KDM4C: variants seen among roughly 807,000 people sequenced by gnomAD.
KDM4C encodes the protein lysine-specific demethylase 4C.
Under a neutral mutation model 129.3 loss-of-function variants are expected in KDM4C, and 81 were observed. The observed-to-expected ratio is 0.63, with a 90% CI of 0.52 to 0.75. KDM4C has a LOEUF of 0.75. KDM4C is among the 30% of genes least tolerant of loss of function. The probability of loss-of-function intolerance (pLI) is 0.00; values close to 1 mark genes in which losing one functional copy is unlikely to be tolerated. For missense variants in KDM4C, 1,457 were observed against 1,304.0 expected (o/e 1.12, Z -1.81); for synonymous variants, 573 against 456.1 (o/e 1.26, Z -3.26).
intron 1 of KDM4C, among the ~76,000 whole-genome samples, chr9:6,722,148 C>G (rs1418813253): frequency 6.6e-5 from 10 of 152,164 alleles, no homozygotes; most frequent in South Asian, 4.1e-4. Context: ...GGCATCCAAC[C>G]TGAGCCTGGT....
intron 17 of KDM4C, among the ~76,000 whole-genome samples, chr9:7,054,200 C>A (rs192864050): frequency 6.6e-6 from 1 of 152,194 alleles, no homozygotes; most frequent in Non-Finnish European, 1.5e-5. Flanking sequence ...TCCTTCTCCC[C>A]GTAGCCCATC....
intron 1 of KDM4C, among the ~76,000 whole-genome samples, chr9:6,750,915 C>G (rs1818044959): frequency 6.6e-6 from 1 of 152,232 alleles, no homozygotes; most frequent in African/African-American, 2.4e-5. Context: ...GCTGGAAGGT[C>G]AAGATGGCCT....
chr9:6,993,048 C>G (rs747148768), intron 12 of KDM4C, among the ~76,000 whole-genome samples: 4 of 152,102 alleles, frequency 2.6e-5, no homozygotes, highest in Non-Finnish European at 5.9e-5. Context: ...ACCTGAAACA[C>G]CATAGATCAT....
chr9:6,834,075 GT>G (rs1835410950), intron 4 of KDM4C, among the ~76,000 whole-genome samples: 1 of 103,666 alleles, frequency 9.6e-6, no homozygotes, highest in African/African-American at 4.1e-5. Flanking sequence ...GTCTTGCTCT[GT>G]CACCTAGGCT....
chr9:6,722,238 G>A (rs1271646741), intron 1 of KDM4C, among the ~76,000 whole-genome samples: 2 of 152,120 alleles, frequency 1.3e-5, no homozygotes, highest in Non-Finnish European at 2.9e-5. Context: ...GGATCTTGTA[G>A]TGCATGTTCT....
rs1264796476 is a variant in KDM4C, at chr9:6,736,147, C to T, written c.49+15150C>T. Among the ~76,000 whole-genome samples the T allele has an allele frequency of 3.9e-5, 6 of 152,040 alleles. No individual in the cohort carries two copies. The East Asian group carries it at 7.7e-4, about 20-fold the overall frequency. On this transcript the variant is annotated intron_variant, in intron 1 of 17. Transcript: ENST00000536108. Reference sequence around the variant, plus strand: ...AGAAATTTCCTAGCATGAAAGCATTCGCGTGGTGACTTGGGTGCTGTTAAA... The same window carrying T: ...AGAAATTTCCTAGCATGAAAGCATTTGCGTGGTGACTTGGGTGCTGTTAAA...
intron 6 of KDM4C, among the ~76,000 whole-genome samples, chr9:6,882,749 G>C (rs1355825057): frequency 6.6e-6 from 1 of 151,528 alleles, no homozygotes; most frequent in Non-Finnish European, 1.5e-5. Flanking sequence ...CCAAGGGTTA[G>C]TTTAGTTCAT....
At chr9:6,759,530 C>A (rs1818960923) in intron 1 of KDM4C, among the ~76,000 whole-genome samples, 1 of 152,140 alleles carries the variant, frequency 6.6e-6, no homozygotes, top group African/African-American at 2.4e-5. Flanking sequence ...TGCTTTTTCT[C>A]CCAATTTCAG....
chr9:6,805,539 A>G lies in KDM4C; in HGVS notation c.145-60A>G, dbSNP rs1829808973. ...CAGTTGTAGTTTATCAGAATACTTA[A>G]AAGCTAAATTACTTGGAGTATTTTC... On this transcript the variant is annotated intron_variant, in intron 2 of 21. Coordinates refer to ENST00000381309, the MANE Select transcript of KDM4C (RefSeq NM_015061.6). The G allele has an allele frequency of 3.3e-6, 4 of 1,218,224 alleles. No homozygotes were observed. The South Asian group carries it at 7.3e-5, about 22-fold the overall frequency. 75.5% of individuals were successfully genotyped at this position (1,218,224 alleles called of 1,614,324 possible).
chr9:6,753,151 G>A (rs1818131261), upstream of KDM4C, among the ~76,000 whole-genome samples: 1 of 152,180 alleles, frequency 6.6e-6, no homozygotes, highest in South Asian at 2.1e-4. Context: ...TCCTTATCAG[G>A]AATGGCCATG....
At chr9:7,024,755 C>T (rs1487013626) in intron 15 of KDM4C, among the ~76,000 whole-genome samples, 1 of 152,146 alleles carries the variant, frequency 6.6e-6, no homozygotes, top group African/African-American at 2.4e-5. Context: ...TGGGTTGATT[C>T]CAAGTCTTTG....
chr9:7,162,424 C>T (rs189475607), intron 19 of KDM4C, among the ~76,000 whole-genome samples: 7 of 152,280 alleles, frequency 4.6e-5, no homozygotes, highest in Admixed American at 2.0e-4. Flanking sequence ...TTAAGATTTC[C>T]TGTGAGTGAA....
intron 1 of KDM4C, among the ~76,000 whole-genome samples, chr9:6,762,801 G>T (rs139103774): frequency 0.096 from 14,506 of 151,508 alleles, 795 homozygotes; most frequent in Non-Finnish European, 0.11. Flanking sequence ...TGAAATTACA[G>T]GCACCTGCCA....
In KDM4C at chr9:7,078,127, C is replaced by T. The variant is rs376071156; in HGVS notation, c.2425-25558C>T. ...TTTTTTAATGCATTGGGAGAAGACT[C>T]AAGGAATATGCCATATTGTCGTTGT... is the stretch of plus-strand genomic sequence containing the variant. On this transcript the variant is annotated intron_variant, in intron 17 of 21. Coordinates refer to ENST00000381309, the MANE Select transcript of KDM4C (RefSeq NM_015061.6). 1.4e-4 allele frequency among the ~76,000 whole-genome samples: 21 copies of T among 152,192 alleles called. No individual in the cohort carries two copies. In the South Asian group the frequency reaches 4.3e-3, roughly 32 times the overall value.
chr9:6,731,996 G>T (rs1817350978), intron 1 of KDM4C, among the ~76,000 whole-genome samples: 1 of 152,034 alleles, frequency 6.6e-6, no homozygotes, highest in African/African-American at 2.4e-5. Context: ...CTATCAGGAG[G>T]ATAATACCAA....
chr9:6,797,777 G>A (rs949129023), intron 2 of KDM4C, among the ~76,000 whole-genome samples: 2 of 152,170 alleles, frequency 1.3e-5, no homozygotes, highest in Non-Finnish European at 2.9e-5. Context: ...CTAGGTAGAT[G>A]GTAGAAATTG....
At chr9:6,743,819 T>C (rs1817784176) in intron 1 of KDM4C, among the ~76,000 whole-genome samples, 1 of 152,138 alleles carries the variant, frequency 6.6e-6, no homozygotes. Context: ...GATTTTCTGC[T>C]TTCTATATGG....
intron 1 of KDM4C, among the ~76,000 whole-genome samples, chr9:6,736,467 T>C (rs1447566817): frequency 6.6e-6 from 1 of 152,068 alleles, no homozygotes; most frequent in African/African-American, 2.4e-5. Flanking sequence ...TAGGGACTTG[T>C]TGCCCTGCAT....
intron 8 of KDM4C, among the ~76,000 whole-genome samples, chr9:6,950,186 T>C (rs1014015713): frequency 6.6e-6 from 1 of 152,114 alleles, no homozygotes; most frequent in East Asian, 1.9e-4. Flanking sequence ...TTGAAATGAT[T>C]AGCAAATTTT....
Sources: gnomAD v4.1 joint callset for allele counts (sites outside exome capture counted in the v4.1 genomes callset) on GRCh38, gnomAD v4.1.1 for gene constraint, MANE v1.5 for transcripts, NCBI Gene and HGNC (gene_info 2026-07-23, HGNC 2026-07-21) for gene names.